The following HSPA5 variants were observed in gnomAD, a reference collection of about 807,000 sequenced individuals.
HSPA5 encodes the protein endoplasmic reticulum chaperone BiP.
A neutral mutation model predicts 49.5 loss-of-function variants in HSPA5; 16 were observed. The observed-to-expected ratio is 0.32, with a 90% CI of 0.22 to 0.49. The LOEUF (loss-of-function observed/expected upper bound fraction) is 0.49. Among genes scored for constraint, HSPA5 ranks in the 20% least tolerant of loss-of-function variants. The pLI, the probability that HSPA5 is intolerant of heterozygous loss-of-function variation, is 0.99. For synonymous variants in HSPA5, 271 were observed against 307.2 expected, an observed-to-expected ratio of 0.88 and a Z score of 1.23; for missense variants, 376 against 819.0, an observed-to-expected ratio of 0.46 and a Z score of 6.60.
At position 125,238,840 on chromosome 9, in the gene HSPA5, C is replaced by T. The variant is rs430397; in HGVS notation, c.997-13G>A. ...ACCGGAACAGATCCTAGAAAAAAGA[C>T]ATGGTTACTGTGATGTCTGTTATCT... On this transcript the variant is annotated splice_polypyrimidine_tract_variant and intron_variant, in intron 5 of 7. Coordinates refer to ENST00000324460, the MANE Select transcript of HSPA5 (RefSeq NM_005347.5). 127,337 of 1,612,266 alleles carry T rather than the reference C, an allele frequency of 0.079. 6,043 individuals carry two copies. The highest frequency in any genetic ancestry group is 0.19 in the African/African-American group (14,421 of 74,830).
chr9:125,240,547 T>C lies in HSPA5; in HGVS notation c.354+129A>G, dbSNP rs1171707465. 7.8e-6 allele frequency: 6 copies of C among 773,922 alleles called. No homozygotes were observed. Among genetic ancestry groups the C allele is most frequent in the Non-Finnish European group, 1.3e-5 (6 of 471,778 alleles). The allele number at this position is 773,922 out of a possible 1,614,324, so 47.9% of individuals were successfully genotyped here. Reference sequence around the variant, plus strand: ...TAAGTTTTGTAACATACTAATAGTATTAAAGTTATTACATACATCATGTCT... The same window carrying C: ...TAAGTTTTGTAACATACTAATAGTACTAAAGTTATTACATACATCATGTCT... On this transcript the variant is annotated intron_variant, in intron 2 of 7. Transcript: ENST00000324460. This position sits in a 1 kb window ranked among gnomAD's most constrained non-coding sequence, Gnocchi z 4.4.
rs1299265090 is a variant in HSPA5 at position 125,238,137 on chromosome 9, T to C, written c.1402+4A>G. On this transcript the variant is annotated splice_donor_region_variant and intron_variant, in intron 7 of 7. Transcript: ENST00000324460. ...CCATGATATTAACAAACTTAAGTAA[T>C]TACCTTCATAGACCTTGATTGTAAC... 2.5e-6 allele frequency: 4 copies of C among 1,610,388 alleles called. No individual in the cohort carries two copies. The highest frequency in any genetic ancestry group is 3.4e-6 in the Non-Finnish European group (4 of 1,177,708).
Position 125,236,773 on chromosome 9 carries a change from T to C in HSPA5, c.1784A>G (p.Glu595Gly). The change falls in exon 8 of 8, where the codon GAA becomes GGA. Residue 595 changes from glutamate to glycine, a missense_variant. Glu to Gly is a moderately conservative substitution (Grantham distance 98). This residue lies in a region of HSPA5 where 72 missense variants were observed against 87.8 expected (regional missense o/e 0.82). Coordinates refer to ENST00000324460, the MANE Select transcript of HSPA5 (RefSeq NM_005347.5). ...TTCAATCTTTTCTTCTACAGCTTTTTCCATGGTCTCCTTATCTTCAGAGGA... is the reference window on the plus strand; with the variant it reads ...TTCAATCTTTTCTTCTACAGCTTTTCCCATGGTCTCCTTATCTTCAGAGGA... ...KLSSEDKETMEKAVEEKIEWL... is the reference protein window; with the variant it reads ...KLSSEDKETMGKAVEEKIEWL... 1 of 1,613,326 alleles carries C rather than the reference T, an allele frequency of 6.2e-7. No individual in the cohort carries two copies. The highest frequency in any genetic ancestry group is 8.5e-7 in the Non-Finnish European group (1 of 1,179,680).
rs1466677909 is a variant in HSPA5, at chr9:125,239,723, T to TTA, written c.493-191_493-190insTA. Among the ~76,000 whole-genome samples, 61 of 136,950 alleles carry TTA rather than the reference T, an allele frequency of 4.5e-4. 1 individual carries two copies. The highest frequency in any genetic ancestry group is 1.4e-3 in the African/African-American group (52 of 37,492). 89.8% of individuals were successfully genotyped at this position (136,950 alleles called of 152,430 possible). A position where few individuals can be genotyped will look rare whatever the true frequency, so the allele number is the denominator to read the frequency against. On this transcript the variant is annotated intron_variant, in intron 3 of 7. Transcript: ENST00000324460. The surrounding 1 kb of genome is among the most constrained non-coding windows in gnomAD (Gnocchi z 5.5). Reference sequence around the variant, plus strand: ...GAGAAACCCTGTCTCTACTGAAAATTAAAAAAAAAAAAAAAAATTAGCCAG... The same window carrying TTA: ...GAGAAACCCTGTCTCTACTGAAAATTTAAAAAAAAAAAAAAAAAATTAGCCAG...
At chr9:125,238,078 G>T in intron 7 of HSPA5, 63 bp downstream of exon 7, 1 of 1,343,998 alleles carries the variant, frequency 7.4e-7, no homozygotes, top group Non-Finnish European at 1.1e-6. Context: ...GTCCAGCCTG[G>T]GCAACAGAGC....
At chr9:125,237,195 C>T in intron 7 of HSPA5, 41 bp from the exon 8 acceptor site, 2 of 1,393,770 alleles carry the variant, frequency 1.4e-6, no homozygotes, top group Non-Finnish European at 2.0e-6. Flanking sequence ...TTGTTACTGA[C>T]AAGCATTAGC....
At position 125,241,170 on chromosome 9, in the gene HSPA5, C is replaced by A; in HGVS notation, c.-44G>T. 1 of 1,590,158 alleles carries A rather than the reference C, an allele frequency of 6.3e-7. No individual in the cohort carries two copies. The highest frequency in any genetic ancestry group is 8.5e-7 in the Non-Finnish European group (1 of 1,170,432). ...AGCAGCAGGCAGTCCAGCCACAGGC[C>A]GTAGCACAGGAGCACAGCGCAATTT... On this transcript the variant is annotated 5_prime_UTR_variant, in exon 1 of 8. Transcript: ENST00000324460.
rs142232319 is a variant in HSPA5 at position 125,241,096 on chromosome 9, G to A, written c.31C>T (p.Leu11=). ...TCGGCCCGCGCCGCGCTGAGCAGCAGCAGCATCGCGGCCACCAGGGAGAGC... is the reference window on the plus strand; with the variant it reads ...TCGGCCCGCGCCGCGCTGAGCAGCAACAGCATCGCGGCCACCAGGGAGAGC... MKLSLVAAML[L]LLSAARAEEE... Residue 11 remains leucine (L), a synonymous_variant, in exon 1 of 8, where the codon CTG becomes TTG. Coordinates refer to ENST00000324460, the MANE Select transcript of HSPA5 (RefSeq NM_005347.5). The A allele has an allele frequency of 6.2e-7, 1 of 1,613,156 alleles. No homozygotes were observed. The highest frequency in any genetic ancestry group is 1.3e-5 in the African/African-American group (1 of 74,934).
chr9:125,241,135 CCAGTTGGGCAGCAGCAGGCAGT>C lies in HSPA5; in HGVS notation c.-31_-10del. On this transcript the variant is annotated 5_prime_UTR_variant, in exon 1 of 8. Coordinates refer to ENST00000324460, the MANE Select transcript of HSPA5 (RefSeq NM_005347.5). ...ACCAGGGAGAGCTTCATCTTGCCAG[CCAGTTGGGCAGCAGCAGGCAGT>C]CCAGCCACAGGCCGTAGCACAGGAG... 1 of 1,609,092 alleles carries C rather than the reference CCAGTTGGGCAGCAGCAGGCAGT, an allele frequency of 6.2e-7. No homozygotes were observed. Among genetic ancestry groups the C allele is most frequent in the South Asian group, 1.1e-5 (1 of 90,488 alleles).
rs951074055 is a variant in HSPA5 at position 125,236,400 on chromosome 9, T to TC, written c.*191dup. The TC allele has an allele frequency of 1.4e-4, 68 of 485,022 alleles. No individual in the cohort carries two copies. The highest frequency in any genetic ancestry group is 8.7e-4 in the African/African-American group (43 of 49,558). The allele number at this position is 485,022 out of a possible 1,614,324, so 30.0% of individuals were successfully genotyped here. On this transcript the variant is annotated 3_prime_UTR_variant, in exon 8 of 8. Coordinates refer to ENST00000324460, the MANE Select transcript of HSPA5 (RefSeq NM_005347.5). ...TTTTTAAGATGGCCAATTCTTCTTCTCCCCCCCACCCAAAGACATGTGAGC... is the reference window on the plus strand; with the variant it reads ...TTTTTAAGATGGCCAATTCTTCTTCTCCCCCCCCACCCAAAGACATGTGAGC...
chr9:125,241,127 C>G lies in HSPA5; in HGVS notation c.-1G>C. ...TCGCGGCCACCAGGGAGAGCTTCAT[C>G]TTGCCAGCCAGTTGGGCAGCAGCAG... On this transcript the variant is annotated 5_prime_UTR_variant, in exon 1 of 8. Coordinates refer to ENST00000324460, the MANE Select transcript of HSPA5 (RefSeq NM_005347.5). The G allele has an allele frequency of 6.2e-7, 1 of 1,610,474 alleles. No individual in the cohort carries two copies. The highest frequency in any genetic ancestry group is 8.5e-7 in the Non-Finnish European group (1 of 1,178,764).
rs1358960361 is a variant in HSPA5, at chr9:125,236,375, T to C, written c.*217A>G. On this transcript the variant is annotated 3_prime_UTR_variant, in exon 8 of 8. Transcript: ENST00000324460. ...ACCCTAACCCAGGTTTTTTACCCGC[T>C]TTTTAAGATGGCCAATTCTTCTTCT... is the stretch of plus-strand genomic sequence containing the variant. The C allele has an allele frequency of 2.1e-6, 1 of 480,518 alleles. No homozygotes were observed. The highest frequency in any genetic ancestry group is 2.0e-5 in the African/African-American group (1 of 49,562). 29.8% of individuals were successfully genotyped at this position (480,518 alleles called of 1,614,324 possible).
Position 125,240,934 on chromosome 9 carries a change from A to G in HSPA5, c.123-27T>C, listed in dbSNP as rs752300936. 2.5e-6 allele frequency: 4 copies of G among 1,613,228 alleles called. No individual in the cohort carries two copies. Among genetic ancestry groups the G allele is most frequent in the East Asian group, 2.2e-5 (1 of 44,856 alleles). On this transcript the variant is annotated intron_variant, in intron 1 of 7. Coordinates refer to ENST00000324460, the MANE Select transcript of HSPA5 (RefSeq NM_005347.5). This position sits in a 1 kb window ranked among gnomAD's most constrained non-coding sequence, Gnocchi z 4.4. ...TGGCAGAAAAACCCGACAGAGGGACATCAGCACCGCACTTCTCACGCCAGG... is the reference window on the plus strand; with the variant it reads ...TGGCAGAAAAACCCGACAGAGGGACGTCAGCACCGCACTTCTCACGCCAGG...
intron 7 of HSPA5, among the ~76,000 whole-genome samples, chr9:125,237,717 T>C (rs1832515149): frequency 6.6e-6 from 1 of 151,594 alleles, no homozygotes. Context: ...ATCAACATTA[T>C]TCAAATTAAG....
chr9:125,238,873 T>A (rs1291150031), intron 5 of HSPA5, 46 bp from the exon 6 acceptor site: 1 of 1,606,636 alleles, frequency 6.2e-7, no homozygotes, highest in African/African-American at 1.3e-5. Context: ...TCTAAGTATC[T>A]AGATGCAATG....
rs752372052 is a variant in HSPA5 at position 125,236,619 on chromosome 9, C to T, written c.1938G>A (p.Glu646=). Residue 646 remains glutamate (E), a synonymous_variant, in exon 8 of 8, where the codon GAG becomes GAA. Transcript: ENST00000324460. ...GSAGPPPTGE[E]DTAEKDEL is the part of the protein sequence containing the mutation. The stretch of plus-strand genomic sequence containing the variant: ...ACAACTCATCTTTTTCTGCTGTATC[C>T]TCTTCACCAGTTGGGGGAGGGCCTG... The T allele has an allele frequency of 7.5e-6, 12 of 1,608,680 alleles. No individual in the cohort carries two copies. Among genetic ancestry groups the T allele is most frequent in the Non-Finnish European group, 1.0e-5 (12 of 1,178,146 alleles).
Position 125,241,291 on chromosome 9 carries a change from A to T in HSPA5, c.-165T>A, listed in dbSNP as rs1832563142. 8.4e-6 allele frequency: 6 copies of T among 714,706 alleles called. No individual in the cohort carries two copies. The highest frequency in any genetic ancestry group is 9.1e-6 in the Non-Finnish European group (4 of 439,712). 44.3% of individuals were successfully genotyped at this position (714,706 alleles called of 1,614,324 possible). A position where few individuals can be genotyped will look rare whatever the true frequency, so the allele number is the denominator to read the frequency against. ...ACAGGCCGCGGCGCTTCCCTCTCAC[A>T]CTCGCGAAACACCCCAATAGGTCAA... On this transcript the variant is annotated 5_prime_UTR_variant, in exon 1 of 8. Coordinates refer to ENST00000324460, the MANE Select transcript of HSPA5 (RefSeq NM_005347.5).
chr9:125,238,633 A>C lies in HSPA5; in HGVS notation c.1191T>G (p.Gly397=). 2 of 1,614,188 alleles carry C rather than the reference A, an allele frequency of 1.2e-6. No homozygotes were observed. The highest frequency in any genetic ancestry group is 1.7e-6 in the Non-Finnish European group (2 of 1,180,034). The part of the protein sequence containing the change: ...GINPDEAVAY[G]AAVQAGVLSG... The stretch of plus-strand genomic sequence containing the variant: ...AGAGCACACCAGCCTGGACAGCAGC[A>C]CCATACGCTACAGCTTCATCTGGGT... The change falls in exon 6 of 8, where the codon GGT becomes GGG. Residue 397 remains glycine (G), a synonymous_variant. Coordinates refer to ENST00000324460, the MANE Select transcript of HSPA5 (RefSeq NM_005347.5).
In HSPA5 at chr9:125,239,420, C is replaced by G; in HGVS notation, c.605+1G>C. The G allele has an allele frequency of 1.9e-6, 3 of 1,613,994 alleles. No individual in the cohort carries two copies. The highest frequency in any genetic ancestry group is 2.5e-6 in the Non-Finnish European group (3 of 1,179,870). On this transcript the variant is annotated splice_donor_variant, in intron 4 of 7. Transcript: ENST00000324460. LOFTEE classifies it high-confidence loss of function. The surrounding 1 kb of genome is among the most constrained non-coding windows in gnomAD (Gnocchi z 5.5). ...GCCGTATCCCTGAATTTCATACTTA[C>G]GGCTCGTTGATGATCCTCATAACAT...
Sources: gnomAD v4.1 joint callset for allele counts (sites outside exome capture counted in the v4.1 genomes callset) on GRCh38, gnomAD v4.1.1 for gene constraint, gnomAD v4.1.1 regional missense constraint, Gnocchi (gnomAD v3.1) non-coding constraint, MANE v1.5 for transcripts, NCBI Gene and HGNC (gene_info 2026-07-23, HGNC 2026-07-21) for gene names.